Variants in ITPR1 observed in about 807,000 individuals in gnomAD.
The protein encoded by ITPR1 is inositol 1,4,5-trisphosphate-gated calcium channel ITPR1.
ITPR1 carries 96 observed loss-of-function variants against 318.4 expected under a neutral mutation model. That is an observed-to-expected ratio of 0.30 (90% confidence interval 0.26 to 0.36). ITPR1 has a LOEUF of 0.36. Ranked by LOEUF, ITPR1 falls within the 10% of genes least tolerant of loss-of-function variation. The pLI is 1.00. For missense variants in ITPR1, 2,440 were observed against 3,460.2 expected (o/e 0.71, Z 7.40); for synonymous variants, 1,312 against 1,289.9 (o/e 1.02, Z -0.37).
chr3:4,713,410 A>C (rs935251967), intron 39 of ITPR1, among the ~76,000 whole-genome samples: 7 of 152,178 alleles, frequency 4.6e-5, no homozygotes, highest in African/African-American at 1.7e-4. Flanking sequence ...AGTGACTTAC[A>C]AGTTGTGATT....
At chr3:4,715,843 A>ACTCCAT (rs1441882716) in intron 39 of ITPR1, among the ~76,000 whole-genome samples, 1 of 152,076 alleles carries the variant, frequency 6.6e-6, no homozygotes, top group Non-Finnish European at 1.5e-5. Flanking sequence ...ACAGAGCAAG[A>ACTCCAT]CTCCATCTCA....
At chr3:4,571,476 C>T (rs2087982039) in intron 4 of ITPR1, among the ~76,000 whole-genome samples, 1 of 151,974 alleles carries the variant, frequency 6.6e-6, no homozygotes, top group Non-Finnish European at 1.5e-5. Flanking sequence ...GTAGCTGGGA[C>T]TACAGGCACA....
At chr3:4,829,954 G>GTTTTTTTTT (rs35099159) in intron 60 of ITPR1, among the ~76,000 whole-genome samples, 4 of 27,106 alleles carry the variant, frequency 1.5e-4, no homozygotes, top group Admixed American at 1.2e-3. Context: ...ATGTATAACA[G>GTTTTTTTTT]TTTTTTTTTT....
intron 2 of ITPR1, among the ~76,000 whole-genome samples, chr3:4,502,575 G>T (rs539316274): frequency 6.6e-6 from 1 of 151,736 alleles, no homozygotes. Flanking sequence ...TGAGTAGCTG[G>T]GTCTACAGGC....
In ITPR1 at chr3:4,693,507, G is replaced by A; in HGVS notation, c.4047G>A (p.Glu1349=). The part of the protein sequence containing the change: ...MVMAELVNSG[E]DVLVFYNDRA... Reference sequence around the variant, plus strand: ...TTATGTAGCTGGTCAATTCGGGAGAGGATGTCCTCGTGTTCTACAACGACA... The same window carrying A: ...TTATGTAGCTGGTCAATTCGGGAGAAGATGTCCTCGTGTTCTACAACGACA... Residue 1349 remains glutamate, a synonymous_variant, in exon 33 of 62, where the codon GAG becomes GAA. Coordinates refer to ENST00000649015, the MANE Select transcript of ITPR1 (RefSeq NM_001378452.1). 6.2e-7 allele frequency: 1 copy of A among 1,613,936 alleles called. No individual in the cohort carries two copies. The highest frequency in any genetic ancestry group is 2.2e-5 in the East Asian group (1 of 44,890).
chr3:4,838,341 G>GC (rs1559988458), intron 61 of ITPR1, among the ~76,000 whole-genome samples: 4 of 143,080 alleles, frequency 2.8e-5, no homozygotes, highest in South Asian at 2.3e-4. Flanking sequence ...CATTTTACCC[G>GC]CCCCCCGCCG....
intron 42 of ITPR1, among the ~76,000 whole-genome samples, chr3:4,731,099 A>G (rs1222670036): frequency 1.3e-5 from 2 of 152,246 alleles, no homozygotes; most frequent in Non-Finnish European, 2.9e-5. Context: ...TTAATCTATC[A>G]TATTCAACAT....
In ITPR1 at chr3:4,526,373, A is replaced by G. The variant is rs149478132; in HGVS notation, c.163+5279A>G. ...TGTGGATGTTCCAGATAAGTATCTT[A>G]CATTTCTCTTTCCCAGTGAAGTTGG... On this transcript the variant is annotated intron_variant, in intron 4 of 61. Coordinates refer to ENST00000649015, the MANE Select transcript of ITPR1 (RefSeq NM_001378452.1). Among the ~76,000 whole-genome samples, 125 of 152,346 alleles carry G rather than the reference A, an allele frequency of 8.2e-4. 1 individual carries two copies. The East Asian group carries it at 0.021, about 25-fold the overall frequency.
chr3:4,627,637 C>A, intron 4 of ITPR1, 126 bp from the exon 5 acceptor site: 1 of 608,502 alleles, frequency 1.6e-6, no homozygotes, highest in South Asian at 2.0e-5. Flanking sequence ...GCTTTGTACT[C>A]TCATTTTATA....
intron 5 of ITPR1, among the ~76,000 whole-genome samples, chr3:4,630,681 G>A (rs1405428464): frequency 1.3e-5 from 2 of 151,682 alleles, no homozygotes; most frequent in African/African-American, 4.8e-5. Flanking sequence ...CGCCTCCCGG[G>A]CTCAAGCGAT....
chr3:4,510,592 T>A (rs1040165904), intron 2 of ITPR1, among the ~76,000 whole-genome samples: 2 of 152,204 alleles, frequency 1.3e-5, no homozygotes, highest in African/African-American at 4.8e-5. Context: ...ACTGAATACC[T>A]ACTATGTGCT....
intron 44 of ITPR1, among the ~76,000 whole-genome samples, chr3:4,762,142 C>T (rs965320749): frequency 6.6e-6 from 1 of 151,842 alleles, no homozygotes; most frequent in African/African-American, 2.4e-5. Context: ...CTAGAAACCC[C>T]ACTTCTTTCT....
intron 50 of ITPR1, among the ~76,000 whole-genome samples, 158 bp downstream of exon 50, chr3:4,782,899 C>A (rs555150941): frequency 2.4e-4 from 37 of 152,272 alleles, no homozygotes; most frequent in South Asian, 2.1e-3. Context: ...GGCAACCTGA[C>A]CCAGTGTGCA....
chr3:4,808,089 T>G (rs148658251), intron 55 of ITPR1, among the ~76,000 whole-genome samples: 14 of 152,368 alleles, frequency 9.2e-5, no homozygotes, highest in African/African-American at 3.4e-4. Context: ...TGCCAGTGCC[T>G]GACGCAGGGC....
At chr3:4,619,231 A>G (rs772497106) in intron 4 of ITPR1, among the ~76,000 whole-genome samples, 4 of 152,122 alleles carry the variant, frequency 2.6e-5, no homozygotes, top group African/African-American at 9.7e-5. Flanking sequence ...TTGCAATGAC[A>G]TGTATGGGTC....
rs1197248695 is a variant in ITPR1 at position 4,619,565 on chromosome 3, G to GCCCTTTC, written c.164-8192_164-8186dup. 5.6e-5 allele frequency among the ~76,000 whole-genome samples: 3 copies of GCCCTTTC among 53,704 alleles called. No homozygotes were observed. In the Admixed American group the frequency reaches 8.5e-4, roughly 15 times the overall value. 35.2% of individuals were successfully genotyped at this position (53,704 alleles called of 152,430 possible). ...TCTGCCGCCCTTTCCCCCTTCCCCT[G>GCCCTTTC]CCCTTTCCCCTTCCCCCTTCCCCTG... is the stretch of plus-strand genomic sequence containing the variant. On this transcript the variant is annotated intron_variant, in intron 4 of 61. Coordinates refer to ENST00000649015, the MANE Select transcript of ITPR1 (RefSeq NM_001378452.1).
chr3:4,707,577 G>T (rs999431331), intron 37 of ITPR1, among the ~76,000 whole-genome samples: 2 of 152,166 alleles, frequency 1.3e-5, no homozygotes, highest in Non-Finnish European at 2.9e-5. Context: ...AGTCTCAAAG[G>T]TTCACTCCAG....
intron 4 of ITPR1, among the ~76,000 whole-genome samples, chr3:4,621,539 T>A (rs1365825045): frequency 6.6e-6 from 1 of 152,170 alleles, no homozygotes; most frequent in African/African-American, 2.4e-5. Flanking sequence ...ACCATATCAA[T>A]CACCAATATG....
At chr3:4,828,313 C>A (rs1184066442) in intron 60 of ITPR1, among the ~76,000 whole-genome samples, 1 of 152,100 alleles carries the variant, frequency 6.6e-6, no homozygotes, top group Non-Finnish European at 1.5e-5. Flanking sequence ...TCATACATAG[C>A]CACTGGGAAT....
Sources: allele counts gnomAD v4.1 joint callset (sites outside exome capture counted in the v4.1 genomes callset), GRCh38; gene constraint gnomAD v4.1.1; transcripts MANE v1.5; gene names NCBI Gene and HGNC (gene_info 2026-07-23, HGNC 2026-07-21).